Variants in RAB7A observed in about 807,000 individuals in gnomAD.
RAB7A encodes ras-related protein Rab-7a.
RAB7A carries 2 observed loss-of-function variants against 24.5 expected under a neutral mutation model. That is an observed-to-expected ratio of 0.08 (90% CI 0.03 to 0.26). The LOEUF is 0.26. RAB7A is among the 10% of genes least tolerant of loss of function. RAB7A has a pLI of 1.00. For synonymous variants in RAB7A, 100 were observed against 95.9 expected, an observed-to-expected ratio of 1.04 and a Z score of -0.25; for missense variants, 118 against 255.7, an observed-to-expected ratio of 0.46 and a Z score of 3.67.
chr3:128,803,025 G>A (rs1257059574), intron 3 of RAB7A, among the ~76,000 whole-genome samples: 2 of 152,058 alleles, frequency 1.3e-5, no homozygotes, highest in Non-Finnish European at 2.9e-5. Context: ...GGCCAGGCTG[G>A]TCTCGAACTG....
intron 1 of RAB7A, among the ~76,000 whole-genome samples, chr3:128,758,919 C>T (rs2070754578): frequency 6.6e-6 from 1 of 152,186 alleles, no homozygotes; most frequent in Admixed American, 6.5e-5. Flanking sequence ...AACAAAATCC[C>T]TGGCTCAGAG....
chr3:128,785,782 G>T, intron 1 of RAB7A, among the ~76,000 whole-genome samples: 1 of 150,954 alleles, frequency 6.6e-6, no homozygotes. Flanking sequence ...TAAGGTATTT[G>T]GTCAGCTCCT....
At chr3:128,760,596 A>G (rs760560613) in intron 1 of RAB7A, among the ~76,000 whole-genome samples, 6 of 152,236 alleles carry the variant, frequency 3.9e-5, no homozygotes, top group African/African-American at 1.2e-4. Context: ...AATAAGGTCA[A>G]TGCTGTCACC....
intron 5 of RAB7A, among the ~76,000 whole-genome samples, chr3:128,812,662 A>G (rs1440466492): frequency 6.6e-6 from 1 of 152,216 alleles, no homozygotes; most frequent in African/African-American, 2.4e-5. Flanking sequence ...CACTAAAATG[A>G]CCATAGTCCA....
At chr3:128,741,659 C>T (rs1424306339) in intron 1 of RAB7A, among the ~76,000 whole-genome samples, 1 of 152,184 alleles carries the variant, frequency 6.6e-6, no homozygotes, top group Admixed American at 6.5e-5. Flanking sequence ...GCTGGGATTA[C>T]AGGCATGAGC....
chr3:128,747,754 CATTTTGTTTT>C (rs2070632447), intron 1 of RAB7A, among the ~76,000 whole-genome samples: 1 of 151,006 alleles, frequency 6.6e-6, no homozygotes, highest in Admixed American at 6.6e-5. Flanking sequence ...GATTCTTTTT[CATTTTGTTTT>C]GTTTTGTTTT....
chr3:128,775,266 C>G (rs996165815), intron 1 of RAB7A, among the ~76,000 whole-genome samples: 2 of 152,178 alleles, frequency 1.3e-5, no homozygotes, highest in African/African-American at 4.8e-5. Context: ...TGGTAGGCCA[C>G]CTGGCTTTTA....
intron 1 of RAB7A, among the ~76,000 whole-genome samples, chr3:128,771,477 G>A (rs1932934960): frequency 6.6e-6 from 1 of 152,204 alleles, no homozygotes; most frequent in Admixed American, 6.5e-5. Context: ...GAATTCAAGA[G>A]GTGGTGAGAT....
At chr3:128,768,995 T>TTA (rs1553719524) in intron 1 of RAB7A, among the ~76,000 whole-genome samples, 11 of 122,876 alleles carry the variant, frequency 9.0e-5, no homozygotes, top group African/African-American at 2.8e-4. Context: ...TTTTTTTTTT[T>TTA]AAGGAAACAG....
chr3:128,790,502 G>A (rs1933432993), intron 1 of RAB7A, among the ~76,000 whole-genome samples: 1 of 152,176 alleles, frequency 6.6e-6, no homozygotes, highest in African/African-American at 2.4e-5. Flanking sequence ...TAATATTTGT[G>A]TATATTCCTT....
chr3:128,789,131 A>C (rs779985448), intron 1 of RAB7A, among the ~76,000 whole-genome samples: 37 of 152,164 alleles, frequency 2.4e-4, no homozygotes, highest in Non-Finnish European at 3.8e-4. Context: ...TTATTCTAGA[A>C]AATTTTTAGA....
At chr3:128,766,918 G>A (rs936494767) in intron 1 of RAB7A, among the ~76,000 whole-genome samples, 1 of 151,872 alleles carries the variant, frequency 6.6e-6, no homozygotes. Context: ...TCCCACCAGC[G>A]GTGTAGAAGA....
chr3:128,764,401 C>A, intron 1 of RAB7A: 1 of 701,064 alleles, frequency 1.4e-6, no homozygotes, highest in Non-Finnish European at 2.6e-6. Flanking sequence ...GAAATCCCAA[C>A]ATGCATGCAC....
chr3:128,806,312 A>T, intron 3 of RAB7A, 60 bp from the exon 4 acceptor site: 1 of 1,487,304 alleles, frequency 6.7e-7, no homozygotes, highest in Non-Finnish European at 9.3e-7. Context: ...CCCCTTGCAT[A>T]CATGCTCCTG....
intron 1 of RAB7A, among the ~76,000 whole-genome samples, chr3:128,740,394 C>T (rs2070540725): frequency 6.6e-6 from 1 of 152,142 alleles, no homozygotes; most frequent in Non-Finnish European, 1.5e-5. Context: ...TTTATATTTT[C>T]CTACTTATCT....
chr3:128,752,659 C>T (rs2070697589), intron 1 of RAB7A, among the ~76,000 whole-genome samples: 1 of 151,414 alleles, frequency 6.6e-6, no homozygotes, highest in Non-Finnish European at 1.5e-5. Context: ...TTATAATATC[C>T]AGAGCAAGAA....
At chr3:128,813,207 A>G (rs1028550935) in intron 5 of RAB7A, 120 bp from the exon 6 acceptor site, 15 of 936,280 alleles carry the variant, frequency 1.6e-5, no homozygotes, top group Non-Finnish European at 2.6e-5. Context: ...TCTGCTTCAC[A>G]GCTCCCCGCC....
chr3:128,738,766 T>C (rs1279126491), intron 1 of RAB7A, among the ~76,000 whole-genome samples: 2 of 152,234 alleles, frequency 1.3e-5, no homozygotes, highest in African/African-American at 4.8e-5. Context: ...AAGAACTAAA[T>C]GGATATTTCT....
chr3:128,777,311 A>G (rs1431594323), intron 1 of RAB7A, among the ~76,000 whole-genome samples: 1 of 152,024 alleles, frequency 6.6e-6, no homozygotes, highest in Non-Finnish European at 1.5e-5. Context: ...TTCCCACTTC[A>G]GCCTCCCAAG....
Sources: gnomAD v4.1 joint callset for allele counts (sites outside exome capture counted in the v4.1 genomes callset) on GRCh38, gnomAD v4.1.1 for gene constraint, MANE v1.5 for transcripts, NCBI Gene and HGNC (gene_info 2026-07-23, HGNC 2026-07-21) for gene names.